The following PFKP variants were observed in gnomAD, a reference collection of about 807,000 sequenced individuals.
PFKP encodes phosphofructokinase, platelet.
In PFKP, 101 loss-of-function variants were observed where a neutral mutation model predicts 94.3. That is an observed-to-expected ratio of 1.07 (90% CI 0.91 to 1.26). PFKP has a LOEUF of 1.26. Ranked by LOEUF, PFKP falls within the 50% of genes most tolerant of loss-of-function variation. The probability of loss-of-function intolerance (pLI) is 0.00; values close to 1 mark genes in which losing one functional copy is unlikely to be tolerated. For synonymous variants in PFKP, 573 were observed against 432.6 expected (o/e 1.32, Z -4.03); for missense variants, 1,145 against 1,103.3 (o/e 1.04, Z -0.53).
chr10:3,087,147 C>T lies in PFKP; in HGVS notation c.186+4686C>T, dbSNP rs192240746. On this transcript the variant is annotated intron_variant, in intron 2 of 21. Transcript: ENST00000381125. ...CTAATTTTTGTATTTTTGGTAGAGA[C>T]GGGGTTTCAACATGTTGGCCAGGCT... 2.7e-3 allele frequency among the ~76,000 whole-genome samples: 408 copies of T among 152,170 alleles called. 3 individuals are homozygous for T. The highest frequency in any genetic ancestry group is 9.3e-3 in the African/African-American group (387 of 41,498).
chr10:3,114,252 C>G (rs1311094198), intron 13 of PFKP, among the ~76,000 whole-genome samples: 3 of 151,674 alleles, frequency 2.0e-5, no homozygotes, highest in Admixed American at 2.0e-4. Flanking sequence ...TGGGTTCAAG[C>G]GATTCTCCTG....
intron 2 of PFKP, among the ~76,000 whole-genome samples, chr10:3,093,455 A>G (rs1206393069): frequency 6.6e-6 from 1 of 152,056 alleles, no homozygotes; most frequent in Non-Finnish European, 1.5e-5. Context: ...ACCTGACTCT[A>G]CAGGGTCTTT....
intron 19 of PFKP, among the ~76,000 whole-genome samples, chr10:3,134,080 T>C (rs1160927239): frequency 2.0e-5 from 3 of 152,184 alleles, no homozygotes; most frequent in Non-Finnish European, 2.9e-5. Flanking sequence ...CCTATTCTTA[T>C]ACTTTTAAGC....
chr10:3,091,409 C>G (rs1460235630), intron 2 of PFKP, among the ~76,000 whole-genome samples: 1 of 152,144 alleles, frequency 6.6e-6, no homozygotes, highest in African/African-American at 2.4e-5. Context: ...CTGCAGGAAA[C>G]AGTCGGCTCC....
chr10:3,112,133 G>A, intron 10 of PFKP, 89 bp from the exon 11 acceptor site: 1 of 1,064,462 alleles, frequency 9.4e-7, no homozygotes, highest in Non-Finnish European at 1.5e-6. Context: ...GGGGGCTGGT[G>A]GGAAGGACCG....
In PFKP at chr10:3,120,051, C is replaced by A. The variant is rs374244971; in HGVS notation, c.1683+7C>A. 6.2e-7 allele frequency: 1 copy of A among 1,613,720 alleles called. No individual in the cohort carries two copies. The highest frequency in any genetic ancestry group is 1.3e-5 in the African/African-American group (1 of 75,070). On this transcript the variant is annotated splice_region_variant and intron_variant, in intron 16 of 21. Transcript: ENST00000381125. ...CCTGAACACTATCACCGACGTAAGT[C>A]CGTGTGCGCCCTGCCAGGCGGGCGC... is the stretch of plus-strand genomic sequence containing the variant.
intron 3 of PFKP, among the ~76,000 whole-genome samples, chr10:3,100,653 C>T (rs551555855): frequency 1.1e-4 from 17 of 152,188 alleles, no homozygotes; most frequent in African/African-American, 2.2e-4. Flanking sequence ...AAAGTCAGCA[C>T]GCGCTTAGGG....
intron 2 of PFKP, among the ~76,000 whole-genome samples, chr10:3,095,839 T>TC (rs760042582): frequency 8.5e-5 from 13 of 152,334 alleles, no homozygotes; most frequent in Middle Eastern, 3.4e-3. Context: ...TTTCACATGT[T>TC]CCATGGGCGT....
At chr10:3,077,261 C>CTTTTTTTTTT (rs34485324) in intron 1 of PFKP, among the ~76,000 whole-genome samples, 51 of 84,266 alleles carry the variant, frequency 6.1e-4, no homozygotes, top group Non-Finnish European at 7.5e-4. Flanking sequence ...TTTTTTTTTT[C>CTTTTTTTTTT]TTTTTTTTTT....
chr10:3,088,766 G>T (rs1833824666), intron 2 of PFKP, among the ~76,000 whole-genome samples: 1 of 147,192 alleles, frequency 6.8e-6, no homozygotes. Flanking sequence ...ACTATTTGTG[G>T]GCATAGAGTT....
At chr10:3,135,399 G>A (rs1225239291) in intron 20 of PFKP, among the ~76,000 whole-genome samples, 1 of 132,240 alleles carries the variant, frequency 7.6e-6, no homozygotes, top group African/African-American at 2.9e-5. Context: ...AGCTATGGAT[G>A]CTTTTTGCCT....
intron 10 of PFKP, among the ~76,000 whole-genome samples, chr10:3,110,573 AAC>A (rs1836096812): frequency 6.6e-6 from 1 of 152,106 alleles, no homozygotes; most frequent in South Asian, 2.1e-4. Flanking sequence ...GTTGCCTCTT[AAC>A]ACACACAAAG....
At chr10:3,134,971 T>C (rs1839056568) in intron 20 of PFKP, among the ~76,000 whole-genome samples, 1 of 151,834 alleles carries the variant, frequency 6.6e-6, no homozygotes, top group African/African-American at 2.4e-5. Context: ...TTGAGGAAGA[T>C]CTGACTGCTG....
In PFKP at chr10:3,114,010, C is replaced by T. The variant is rs181893722; in HGVS notation, c.1371+492C>T. On this transcript the variant is annotated intron_variant, in intron 13 of 21. Transcript: ENST00000381125. ...CCTCACACTAAATCTAAGATGTTAT[C>T]CCCATTTTCCTCACAAGAAAACCGA... Among the ~76,000 whole-genome samples the T allele has an allele frequency of 1.9e-4, 28 of 151,030 alleles. 1 individual carries two copies. The East Asian group carries it at 4.3e-3, about 23-fold the overall frequency.
At chr10:3,102,737 A>G (rs1305281470) in intron 4 of PFKP, among the ~76,000 whole-genome samples, 2 of 152,352 alleles carry the variant, frequency 1.3e-5, no homozygotes, top group East Asian at 3.9e-4. Context: ...ATTTCAGTGC[A>G]ATATTAAATA....
chr10:3,090,527 C>T (rs1833961935), intron 2 of PFKP, among the ~76,000 whole-genome samples: 1 of 152,188 alleles, frequency 6.6e-6, no homozygotes, highest in South Asian at 2.1e-4. Context: ...CATCTATTCA[C>T]AGATGGCTCT....
intron 1 of PFKP, among the ~76,000 whole-genome samples, chr10:3,070,936 C>A (rs1442519590): frequency 6.8e-6 from 1 of 146,240 alleles, no homozygotes. Flanking sequence ...TTTGTAGAGA[C>A]AGGATCTCAC....
At chr10:3,122,122 C>G (rs533281418) in intron 16 of PFKP, among the ~76,000 whole-genome samples, 4 of 152,126 alleles carry the variant, frequency 2.6e-5, no homozygotes, top group Non-Finnish European at 5.9e-5. Context: ...CGCGCCGGGC[C>G]TGAAGTTAAC....
At chr10:3,119,689 T>G (rs573326911) in intron 15 of PFKP, among the ~76,000 whole-genome samples, 2 of 152,234 alleles carry the variant, frequency 1.3e-5, no homozygotes, top group Non-Finnish European at 2.9e-5. Flanking sequence ...CGATCATGTC[T>G]GTCCTGCGCC....
Sources: allele counts gnomAD v4.1 joint callset (sites outside exome capture counted in the v4.1 genomes callset), GRCh38; gene constraint gnomAD v4.1.1; transcripts MANE v1.5; gene names NCBI Gene and HGNC (gene_info 2026-07-23, HGNC 2026-07-21).